ENOX1: variants seen among roughly 807,000 people sequenced by gnomAD.
The protein encoded by ENOX1 is ecto-NOX disulfide-thiol exchanger 1, also known as candidate growth-related and time keeping constitutive hydroquinone (NADH) oxidase.
Under a neutral mutation model 82.5 loss-of-function variants are expected in ENOX1, and 42 were observed. The observed-to-expected ratio is 0.51, with a 90% CI of 0.40 to 0.66. The LOEUF (loss-of-function observed/expected upper bound fraction) is 0.66. ENOX1 is among the 30% of genes least tolerant of loss of function. The probability of loss-of-function intolerance (pLI) is 0.00; values close to 1 mark genes in which losing one functional copy is unlikely to be tolerated. For missense variants in ENOX1, 608 were observed against 811.6 expected (o/e 0.75, Z 3.05); for synonymous variants, 271 against 282.2 (o/e 0.96, Z 0.40).
chr13:43,312,674 CT>C (rs1222136737), intron 11 of ENOX1, among the ~76,000 whole-genome samples: 1 of 152,140 alleles, frequency 6.6e-6, no homozygotes, highest in East Asian at 1.9e-4. Flanking sequence ...TCTTCTTTTT[CT>C]TGTCTAAAGC....
At chr13:43,587,288 A>G (rs779049033) in intron 2 of ENOX1, among the ~76,000 whole-genome samples, 12 of 152,190 alleles carry the variant, frequency 7.9e-5, no homozygotes, top group Admixed American at 1.3e-4. Context: ...TTCAGCATAG[A>G]TAAGTTTTTT....
At chr13:43,246,562 G>C (rs900586531) in intron 14 of ENOX1, among the ~76,000 whole-genome samples, 14 of 152,226 alleles carry the variant, frequency 9.2e-5, no homozygotes, top group Non-Finnish European at 4.4e-5. Flanking sequence ...TGCGGGTGAC[G>C]GACTTCTTTA....
intron 2 of ENOX1, among the ~76,000 whole-genome samples, chr13:43,619,981 G>C (rs917628787): frequency 1.6e-4 from 24 of 152,066 alleles, no homozygotes; most frequent in Non-Finnish European, 3.4e-4. Flanking sequence ...TTTAAGCTAG[G>C]AGGGTTGTAT....
chr13:43,705,230 G>T (rs1282427465), intron 1 of ENOX1, among the ~76,000 whole-genome samples: 7 of 150,972 alleles, frequency 4.6e-5, no homozygotes, highest in Non-Finnish European at 8.8e-5. Context: ...CCCCTGCAGT[G>T]AGCCAAGATT....
At chr13:43,705,930 A>G (rs7984973) in intron 1 of ENOX1, among the ~76,000 whole-genome samples, 11,974 of 152,152 alleles carry the variant, frequency 0.079, 714 homozygotes, top group African/African-American at 0.16. Flanking sequence ...AATAAAAAAC[A>G]TCTTAATAAA....
chr13:43,674,380 T>G (rs1409423091), intron 1 of ENOX1, among the ~76,000 whole-genome samples: 1 of 152,042 alleles, frequency 6.6e-6, no homozygotes, highest in African/African-American at 2.4e-5. Flanking sequence ...AGGTGAAAAT[T>G]TAAAGCCAAA....
At chr13:43,630,444 T>C (rs1329296) in intron 2 of ENOX1, among the ~76,000 whole-genome samples, 22,715 of 152,038 alleles carry the variant, frequency 0.15, 2,066 homozygotes, top group East Asian at 0.39. Flanking sequence ...TCATTTAAGA[T>C]AGAAATACAA....
chr13:43,634,247 T>G (rs890380684), intron 2 of ENOX1, among the ~76,000 whole-genome samples: 1 of 152,176 alleles, frequency 6.6e-6, no homozygotes, highest in African/African-American at 2.4e-5. Flanking sequence ...GCAACTGGGC[T>G]GAGGTGTATT....
chr13:43,417,902 T>A (rs1262165150), intron 3 of ENOX1, among the ~76,000 whole-genome samples: 2 of 152,198 alleles, frequency 1.3e-5, no homozygotes, highest in African/African-American at 2.4e-5. Flanking sequence ...TTTTCCACCA[T>A]TCCTTTATAA....
At chr13:43,273,775 C>A (rs940236163) in intron 12 of ENOX1, among the ~76,000 whole-genome samples, 2 of 152,180 alleles carry the variant, frequency 1.3e-5, no homozygotes, top group African/African-American at 4.8e-5. Context: ...ATTCTCTAAT[C>A]ACTGAAGCAA....
chr13:43,393,757 G>T (rs1177681922), intron 5 of ENOX1, among the ~76,000 whole-genome samples: 1 of 152,198 alleles, frequency 6.6e-6, no homozygotes, highest in Non-Finnish European at 1.5e-5. Flanking sequence ...TCATTAATTT[G>T]ATCCATATCT....
chr13:43,680,860 C>G (rs1005390797), intron 1 of ENOX1, among the ~76,000 whole-genome samples: 2 of 151,878 alleles, frequency 1.3e-5, no homozygotes, highest in African/African-American at 2.4e-5. Context: ...AATTATTTTT[C>G]CAACCTTCAT....
intron 3 of ENOX1, among the ~76,000 whole-genome samples, chr13:43,442,185 C>G (rs915391292): frequency 6.6e-6 from 1 of 152,152 alleles, no homozygotes; most frequent in African/African-American, 2.4e-5. Flanking sequence ...AGGCTGGTCT[C>G]AGCTGCCCAT....
intron 12 of ENOX1, among the ~76,000 whole-genome samples, chr13:43,283,312 T>C (rs2045507581): frequency 6.6e-6 from 1 of 152,160 alleles, no homozygotes; most frequent in Admixed American, 6.5e-5. Context: ...TCTTGATACA[T>C]GTTGCCAAAG....
intron 2 of ENOX1, among the ~76,000 whole-genome samples, chr13:43,630,182 A>G (rs1182767647): frequency 6.6e-6 from 1 of 152,214 alleles, no homozygotes; most frequent in Non-Finnish European, 1.5e-5. Context: ...TCAAATAAGC[A>G]TTAAGTGGAC....
At chr13:43,285,960 C>T (rs1412810217) in intron 12 of ENOX1, among the ~76,000 whole-genome samples, 1 of 151,860 alleles carries the variant, frequency 6.6e-6, no homozygotes, top group East Asian at 1.9e-4. Flanking sequence ...GGCTGGTCTT[C>T]CTAATCCTGT....
intron 5 of ENOX1, among the ~76,000 whole-genome samples, chr13:43,385,365 T>G (rs1448931826): frequency 6.6e-6 from 1 of 151,968 alleles, no homozygotes; most frequent in Non-Finnish European, 1.5e-5. Context: ...TATGACCTAT[T>G]TTGTAAAGGG....
chr13:43,629,446 C>T lies in ENOX1; in HGVS notation c.-219+38033G>A, dbSNP rs115661296. Among the ~76,000 whole-genome samples, 1,003 of 152,276 alleles carry T rather than the reference C, an allele frequency of 6.6e-3. 8 individuals carry two copies. Among genetic ancestry groups the T allele is most frequent in the African/African-American group, 0.023 (970 of 41,560 alleles). On this transcript the variant is annotated intron_variant, in intron 2 of 16. Transcript: ENST00000690772. ...CAGGGAACTTACCACCAGGTTATTC[C>T]TCTGGGTCTCATGTCCTTAACCAGT... is the stretch of plus-strand genomic sequence containing the variant.
intron 5 of ENOX1, among the ~76,000 whole-genome samples, chr13:43,381,407 G>A (rs1237550832): frequency 6.7e-6 from 1 of 149,690 alleles, no homozygotes; most frequent in Non-Finnish European, 1.5e-5. Flanking sequence ...AATGTTTAAG[G>A]CACTAAATGC....
Sources: gnomAD v4.1 joint callset for allele counts (sites outside exome capture counted in the v4.1 genomes callset) on GRCh38, gnomAD v4.1.1 for gene constraint, MANE v1.5 for transcripts, NCBI Gene and HGNC (gene_info 2026-07-23, HGNC 2026-07-21) for gene names.